Variants in NLGN1 observed in about 807,000 individuals in gnomAD.
NLGN1 encodes the protein neuroligin 1, also known as neuroligin-1.
A neutral mutation model predicts 65.5 loss-of-function variants in NLGN1; 12 were observed. The observed-to-expected ratio is 0.18, with a 90% CI of 0.12 to 0.30. NLGN1 has a LOEUF of 0.30. NLGN1 is among the 10% of genes least tolerant of loss of function. NLGN1 has a pLI of 1.00. For missense variants in NLGN1, 750 were observed against 1,007.1 expected (o/e 0.74, Z 3.46); for synonymous variants, 350 against 359.5 (o/e 0.97, Z 0.30).
At chr3:173,499,474 G>C (rs1379153532) in intron 2 of NLGN1, among the ~76,000 whole-genome samples, 1 of 151,864 alleles carries the variant, frequency 6.6e-6, no homozygotes, top group African/African-American at 2.4e-5. Flanking sequence ...AGTATAGTTT[G>C]AAGTCAGGTA....
chr3:173,585,124 G>A (rs1055136317), intron 2 of NLGN1: 2 of 152,252 alleles, frequency 1.3e-5, no homozygotes, highest in South Asian at 2.1e-4. Context: ...CTGTGAAATG[G>A]AGAGAGAAAG....
chr3:173,900,201 T>A (rs1329682507), intron 4 of NLGN1, among the ~76,000 whole-genome samples: 2 of 152,264 alleles, frequency 1.3e-5, no homozygotes, highest in East Asian at 3.9e-4. Flanking sequence ...AAAACATTAA[T>A]TTGTCAAATG....
intron 4 of NLGN1, among the ~76,000 whole-genome samples, chr3:173,932,154 T>C (rs933812026): frequency 6.6e-6 from 1 of 152,088 alleles, no homozygotes; most frequent in Admixed American, 6.6e-5. Context: ...AGCATGTGGG[T>C]ACACAGGATC....
chr3:173,860,983 T>G (rs556008738), intron 4 of NLGN1, among the ~76,000 whole-genome samples: 2 of 152,160 alleles, frequency 1.3e-5, no homozygotes, highest in African/African-American at 2.4e-5. Context: ...AACATAAATA[T>G]GGACAAACAA....
intron 3 of NLGN1, among the ~76,000 whole-genome samples, chr3:173,781,636 AC>A (rs1247264202): frequency 6.6e-6 from 1 of 152,094 alleles, no homozygotes; most frequent in Non-Finnish European, 1.5e-5. Flanking sequence ...CACTGGAGTT[AC>A]CCCCACTAGT....
intron 4 of NLGN1, among the ~76,000 whole-genome samples, chr3:173,888,767 T>C (rs1413297791): frequency 6.6e-6 from 1 of 152,056 alleles, no homozygotes; most frequent in Admixed American, 6.6e-5. Flanking sequence ...TTTTTTTGAG[T>C]GTTGAAGAAG....
chr3:173,802,044 T>A (rs544819889), intron 3 of NLGN1, among the ~76,000 whole-genome samples: 1 of 152,300 alleles, frequency 6.6e-6, no homozygotes, highest in African/African-American at 2.4e-5. Context: ...GACTTCTTCA[T>A]GTGTATCTTT....
intron 4 of NLGN1, among the ~76,000 whole-genome samples, chr3:174,150,272 T>C (rs918787011): frequency 6.6e-6 from 1 of 152,126 alleles, no homozygotes; most frequent in Non-Finnish European, 1.5e-5. Flanking sequence ...CTGCATCCTC[T>C]CTTTTCTGTA....
At chr3:173,779,210 T>A (rs1288880820) in intron 3 of NLGN1, among the ~76,000 whole-genome samples, 1 of 151,958 alleles carries the variant, frequency 6.6e-6, no homozygotes, top group African/African-American at 2.4e-5. Context: ...AAATTTTATT[T>A]TAACACTTTC....
intron 4 of NLGN1, among the ~76,000 whole-genome samples, chr3:174,001,164 A>G (rs1003416619): frequency 2.0e-5 from 3 of 152,196 alleles, no homozygotes; most frequent in African/African-American, 4.8e-5. Flanking sequence ...AGATGAGAGC[A>G]AAATTGAAAT....
intron 3 of NLGN1, among the ~76,000 whole-genome samples, chr3:173,702,254 AAG>A (rs1433277868): frequency 3.3e-4 from 50 of 150,278 alleles, no homozygotes; most frequent in African/African-American, 1.1e-3. Flanking sequence ...AAAAAAAAAA[AAG>A]AAGAGTTTTC....
intron 4 of NLGN1, among the ~76,000 whole-genome samples, chr3:173,973,751 A>G (rs1716810691): frequency 6.6e-6 from 1 of 152,042 alleles, no homozygotes; most frequent in African/African-American, 2.4e-5. Flanking sequence ...GTATTTAATG[A>G]TATTTTCCAA....
chr3:174,075,078 C>T (rs1252595999), intron 4 of NLGN1, among the ~76,000 whole-genome samples: 1 of 152,080 alleles, frequency 6.6e-6, no homozygotes, highest in Non-Finnish European at 1.5e-5. Context: ...GGCTAACAGA[C>T]CCTTGGATGA....
At position 173,536,907 on chromosome 3, in the gene NLGN1, G is replaced by A. The variant is rs116154800; in HGVS notation, c.-320-67372G>A. Among the ~76,000 whole-genome samples, 828 of 152,256 alleles carry A rather than the reference G, an allele frequency of 5.4e-3. 10 individuals carry two copies. Among genetic ancestry groups the A allele is most frequent in the African/African-American group, 0.019 (787 of 41,546 alleles). On this transcript the variant is annotated intron_variant, in intron 2 of 6. Transcript: ENST00000457714. ...CTGTTGTTATAATCTGAGTCCAAAG[G>A]CCTGAGAAACGAGAGCCAATGGTGT...
At chr3:173,789,738 T>C (rs780336767) in intron 3 of NLGN1, 7 of 428,358 alleles carry the variant, frequency 1.6e-5, no homozygotes, top group Admixed American at 2.4e-5. Flanking sequence ...AGCTTCACAA[T>C]CTGGGCATAA....
At chr3:173,524,419 C>T (rs1190590987) in intron 2 of NLGN1, among the ~76,000 whole-genome samples, 2 of 152,094 alleles carry the variant, frequency 1.3e-5, no homozygotes, top group East Asian at 1.9e-4. Flanking sequence ...GATTTTGTAT[C>T]CTGAAACTTT....
chr3:173,669,253 G>A (rs1042668624), intron 3 of NLGN1, among the ~76,000 whole-genome samples: 2 of 152,134 alleles, frequency 1.3e-5, no homozygotes, highest in African/African-American at 4.8e-5. Context: ...ATACAATCTT[G>A]TTTTATATTG....
intron 4 of NLGN1, among the ~76,000 whole-genome samples, chr3:173,881,596 T>G (rs13093341): frequency 6.6e-6 from 1 of 151,518 alleles, no homozygotes; most frequent in East Asian, 2.0e-4. Flanking sequence ...GGCTAATTTT[T>G]TGTGTGTTTT....
chr3:173,959,874 C>T (rs1035678956), intron 4 of NLGN1, among the ~76,000 whole-genome samples: 1 of 151,982 alleles, frequency 6.6e-6, no homozygotes, highest in Non-Finnish European at 1.5e-5. Context: ...TGCTTTTAAA[C>T]CACTATGGCC....
Sources: gnomAD v4.1 joint callset for allele counts (sites outside exome capture counted in the v4.1 genomes callset) on GRCh38, gnomAD v4.1.1 for gene constraint, MANE v1.5 for transcripts, NCBI Gene and HGNC (gene_info 2026-07-23, HGNC 2026-07-21) for gene names.